The following BACH2 variants were observed in gnomAD, a reference collection of about 807,000 sequenced individuals.
BACH2 encodes transcription regulator protein BACH2.
Under a neutral mutation model 61.8 loss-of-function variants are expected in BACH2, and 5 were observed. The ratio of observed to expected loss-of-function variants is 0.08; its 90% CI spans 0.04 to 0.17. The LOEUF (loss-of-function observed/expected upper bound fraction) is 0.17. BACH2 is among the 10% of genes least tolerant of loss of function. The pLI is 1.00. For synonymous variants in BACH2, 446 were observed against 440.1 expected (o/e 1.01, Z -0.17); for missense variants, 824 against 1,091.1 (o/e 0.76, Z 3.45).
chr6:89,982,987 A>G (rs973019032), intron 6 of BACH2, among the ~76,000 whole-genome samples: 1 of 152,228 alleles, frequency 6.6e-6, no homozygotes, highest in Non-Finnish European at 1.5e-5. Context: ...CCAGAAACAG[A>G]GACCAAGAAG....
At chr6:89,943,410 A>T (rs932360002) in intron 7 of BACH2, among the ~76,000 whole-genome samples, 1 of 151,976 alleles carries the variant, frequency 6.6e-6, no homozygotes. Flanking sequence ...GAAAAATTAT[A>T]TAAGTATTAT....
intron 5 of BACH2, among the ~76,000 whole-genome samples, chr6:90,030,726 A>G (rs981509675): frequency 4.6e-5 from 7 of 152,122 alleles, no homozygotes; most frequent in African/African-American, 1.4e-4. Context: ...CTTACCAACC[A>G]AAAAAAGTCC....
intron 6 of BACH2, among the ~76,000 whole-genome samples, chr6:89,963,145 A>T (rs555766096): frequency 6.3e-4 from 96 of 152,364 alleles, no homozygotes; most frequent in African/African-American, 2.3e-3. Flanking sequence ...GCTCAACGTC[A>T]CTAATTAACA....
intron 6 of BACH2, among the ~76,000 whole-genome samples, chr6:90,003,007 C>T (rs1378610380): frequency 1.3e-5 from 2 of 152,220 alleles, no homozygotes; most frequent in African/African-American, 4.8e-5. Context: ...ACACCAACCA[C>T]CATGTCACTG....
intron 3 of BACH2, among the ~76,000 whole-genome samples, chr6:90,222,494 A>G (rs1769767001): frequency 6.6e-6 from 1 of 152,180 alleles, no homozygotes; most frequent in African/African-American, 2.4e-5. Flanking sequence ...CAAGTGAAGG[A>G]CTCACAGAAC....
At chr6:90,060,901 C>G (rs151088516) in intron 5 of BACH2, among the ~76,000 whole-genome samples, 1 of 152,212 alleles carries the variant, frequency 6.6e-6, no homozygotes, top group African/African-American at 2.4e-5. Flanking sequence ...AAGGGATGGC[C>G]AATTCTGCCT....
intron 8 of BACH2, among the ~76,000 whole-genome samples, chr6:89,935,562 A>C (rs1427160042): frequency 1.3e-5 from 2 of 152,208 alleles, no homozygotes; most frequent in African/African-American, 4.8e-5. Flanking sequence ...ACAGACGTAC[A>C]CTGATGAATG....
chr6:90,076,343 C>T (rs1037194252), intron 5 of BACH2, among the ~76,000 whole-genome samples: 1 of 152,092 alleles, frequency 6.6e-6, no homozygotes, highest in African/African-American at 2.4e-5. Flanking sequence ...CCTAATATCA[C>T]CCAGCTGTGA....
intron 5 of BACH2, among the ~76,000 whole-genome samples, chr6:90,015,095 TA>T (rs1777988742): frequency 6.6e-6 from 1 of 152,164 alleles, no homozygotes; most frequent in South Asian, 2.1e-4. Context: ...ATATAGTTTT[TA>T]AAAATATTCC....
At chr6:90,081,442 T>TC (rs1316584759) in intron 5 of BACH2, among the ~76,000 whole-genome samples, 15 of 152,182 alleles carry the variant, frequency 9.9e-5, no homozygotes, top group Non-Finnish European at 1.2e-4. Context: ...TTCAACACAA[T>TC]CGCAGATGCT....
chr6:90,084,884 A>G (rs1781866821), intron 5 of BACH2, among the ~76,000 whole-genome samples: 1 of 152,126 alleles, frequency 6.6e-6, no homozygotes, highest in Non-Finnish European at 1.5e-5. Context: ...GGATCCTTAT[A>G]GATGACTCTT....
intron 3 of BACH2, among the ~76,000 whole-genome samples, chr6:90,223,830 G>A (rs533645172): frequency 1.3e-5 from 2 of 152,062 alleles, no homozygotes; most frequent in African/African-American, 4.8e-5. Context: ...TCTGTATTTG[G>A]TTGCACTCAC....
At chr6:89,987,931 A>G (rs1296604031) in intron 6 of BACH2, among the ~76,000 whole-genome samples, 1 of 152,082 alleles carries the variant, frequency 6.6e-6, no homozygotes, top group Admixed American at 6.5e-5. Flanking sequence ...TAGTATTTTC[A>G]TTTACTCTGG....
chr6:90,075,582 C>T (rs1483455627), intron 5 of BACH2, among the ~76,000 whole-genome samples: 1 of 152,080 alleles, frequency 6.6e-6, no homozygotes, highest in Non-Finnish European at 1.5e-5. Context: ...CTGACCCCAA[C>T]AGAGTATTAT....
At chr6:90,103,881 T>C (rs1295069477) in intron 4 of BACH2, among the ~76,000 whole-genome samples, 6 of 152,344 alleles carry the variant, frequency 3.9e-5, no homozygotes, top group South Asian at 2.1e-4. Flanking sequence ...TCTTCATATA[T>C]GTATTTACAA....
At chr6:89,991,451 T>G (rs1228950988) in intron 6 of BACH2, among the ~76,000 whole-genome samples, 1 of 152,156 alleles carries the variant, frequency 6.6e-6, no homozygotes. Context: ...ATCTATACAG[T>G]CCTGTTCACG....
At chr6:90,254,223 T>C (rs1036075461) in intron 2 of BACH2, among the ~76,000 whole-genome samples, 1 of 150,800 alleles carries the variant, frequency 6.6e-6, no homozygotes, top group African/African-American at 2.4e-5. Context: ...TGGTAAAGAG[T>C]TGATGAATAG....
intron 4 of BACH2, among the ~76,000 whole-genome samples, chr6:90,174,947 G>C (rs1767938966): frequency 6.6e-6 from 1 of 151,426 alleles, no homozygotes; most frequent in African/African-American, 2.4e-5. Flanking sequence ...AAGACAGTAA[G>C]TAACTCAAAA....
chr6:90,237,158 C>T (rs1176489559), intron 3 of BACH2, among the ~76,000 whole-genome samples: 3 of 152,178 alleles, frequency 2.0e-5, no homozygotes, highest in Non-Finnish European at 2.9e-5. Context: ...CTCCTGACCT[C>T]ACGATCCATC....
Sources: allele counts gnomAD v4.1 joint callset (sites outside exome capture counted in the v4.1 genomes callset), GRCh38; gene constraint gnomAD v4.1.1; transcripts MANE v1.5; gene names NCBI Gene and HGNC (gene_info 2026-07-23, HGNC 2026-07-21).